Variants in CCNY observed in about 807,000 individuals in gnomAD.
CCNY encodes cyclin-Y.
In CCNY, 19 loss-of-function variants were observed where a neutral mutation model predicts 42.8. The ratio of observed to expected loss-of-function variants is 0.44; its 90% CI spans 0.31 to 0.65. CCNY has a LOEUF of 0.65. Among genes scored for constraint, CCNY ranks in the 30% least tolerant of loss-of-function variants. The pLI is 0.07. For missense variants in CCNY, 370 were observed against 437.3 expected, an observed-to-expected ratio of 0.85 and a Z score of 1.37; for synonymous variants, 165 against 162.7, an observed-to-expected ratio of 1.01 and a Z score of -0.11.
At chr10:35,460,492 G>C (rs114400156) in intron 1 of CCNY, among the ~76,000 whole-genome samples, 283 of 152,198 alleles carry the variant, frequency 1.9e-3, no homozygotes, top group African/African-American at 6.6e-3. Context: ...AAGTTTCAAG[G>C]TTTTGTGGAA....
At chr10:35,326,677 GGAGTTT>G (rs1479376363) in intron 3 of CCNY, among the ~76,000 whole-genome samples, 1 of 152,040 alleles carries the variant, frequency 6.6e-6, no homozygotes. Flanking sequence ...CTTGAGCCTA[GGAGTTT>G]GAGACCAGCC....
At chr10:35,437,088 A>G (rs1838552085) in intron 1 of CCNY, among the ~76,000 whole-genome samples, 1 of 152,236 alleles carries the variant, frequency 6.6e-6, no homozygotes, top group Non-Finnish European at 1.5e-5. Context: ...AGAACTCACT[A>G]TCATGAGAAC....
At chr10:35,339,703 T>G (rs939432042) in intron 1 of CCNY, among the ~76,000 whole-genome samples, 1 of 152,206 alleles carries the variant, frequency 6.6e-6, no homozygotes, top group African/African-American at 2.4e-5. Context: ...ATGACATATG[T>G]ATCCATGCTT....
At chr10:35,532,992 A>T (rs914720850) in intron 7 of CCNY, among the ~76,000 whole-genome samples, 3 of 152,184 alleles carry the variant, frequency 2.0e-5, no homozygotes, top group African/African-American at 2.4e-5. Flanking sequence ...CAGGCTGTAG[A>T]ATGAGGCCCA....
At chr10:35,412,979 C>T (rs1222705360) in intron 1 of CCNY, among the ~76,000 whole-genome samples, 4 of 151,324 alleles carry the variant, frequency 2.6e-5, no homozygotes, top group Admixed American at 6.6e-5. Flanking sequence ...TGGACTGCTT[C>T]CTGGGGGCCA....
intron 3 of CCNY, among the ~76,000 whole-genome samples, chr10:35,313,462 G>A (rs143611562): frequency 0.012 from 1,800 of 152,286 alleles, 21 homozygotes; most frequent in Middle Eastern, 0.024. Context: ...CCGAGTTTGC[G>A]TCTGTTTCAG....
At chr10:35,312,434 T>G (rs550880852) in intron 3 of CCNY, among the ~76,000 whole-genome samples, 22 of 146,596 alleles carry the variant, frequency 1.5e-4, no homozygotes, top group Admixed American at 4.7e-4. Context: ...TGTAAACCCC[T>G]GTCTGTGCAA....
chr10:35,345,649 T>A (rs1030138505), intron 1 of CCNY, among the ~76,000 whole-genome samples: 2 of 152,198 alleles, frequency 1.3e-5, no homozygotes, highest in Non-Finnish European at 2.9e-5. Context: ...CACCTAATTA[T>A]GTTTGGACTG....
At chr10:35,444,033 G>C (rs1838734150) in intron 1 of CCNY, among the ~76,000 whole-genome samples, 1 of 152,212 alleles carries the variant, frequency 6.6e-6, no homozygotes, top group Non-Finnish European at 1.5e-5. Flanking sequence ...CTGCTAGCGA[G>C]TAGCACCCTT....
chr10:35,463,091 A>C (rs1340411070), intron 1 of CCNY, among the ~76,000 whole-genome samples: 1 of 152,194 alleles, frequency 6.6e-6, no homozygotes, highest in East Asian at 1.9e-4. Context: ...GCTTCTAAGG[A>C]AGTGACTTCT....
chr10:35,414,605 G>C (rs1446821373), intron 1 of CCNY, among the ~76,000 whole-genome samples: 3 of 152,194 alleles, frequency 2.0e-5, no homozygotes, highest in Non-Finnish European at 2.9e-5. Flanking sequence ...CAGGAGGCGG[G>C]AATCATTGGG....
At chr10:35,431,927 A>G (rs576880008) in intron 1 of CCNY, among the ~76,000 whole-genome samples, 2 of 152,158 alleles carry the variant, frequency 1.3e-5, no homozygotes, top group Non-Finnish European at 2.9e-5. Context: ...TAAAGACATC[A>G]TGGATTTGTT....
chr10:35,377,403 C>T (rs1037150541), intron 1 of CCNY, among the ~76,000 whole-genome samples: 6 of 152,160 alleles, frequency 3.9e-5, no homozygotes, highest in Admixed American at 2.6e-4. Flanking sequence ...CATTGTGTTA[C>T]GATTGCCCAT....
chr10:35,513,356 C>A (rs997419248), intron 3 of CCNY, among the ~76,000 whole-genome samples: 1 of 152,204 alleles, frequency 6.6e-6, no homozygotes, highest in African/African-American at 2.4e-5. Flanking sequence ...AAGACACTTA[C>A]TGTATTTGGG....
intron 1 of CCNY, among the ~76,000 whole-genome samples, chr10:35,437,412 T>C (rs905451803): frequency 1.3e-5 from 2 of 152,124 alleles, no homozygotes; most frequent in African/African-American, 4.8e-5. Flanking sequence ...TCAGGCACTT[T>C]GGGAGGTGGA....
At chr10:35,480,557 A>G (rs1298026274) in intron 1 of CCNY, among the ~76,000 whole-genome samples, 2 of 152,204 alleles carry the variant, frequency 1.3e-5, no homozygotes, top group Non-Finnish European at 2.9e-5. Context: ...CTCTGAATTC[A>G]GGGAGAGCTT....
chr10:35,426,614 A>C (rs747331168), intron 1 of CCNY, among the ~76,000 whole-genome samples: 3 of 152,252 alleles, frequency 2.0e-5, no homozygotes, highest in Non-Finnish European at 4.4e-5. Flanking sequence ...AATGTTATTA[A>C]AATTGCTTTG....
chr10:35,476,203 C>T (rs1240272964), intron 1 of CCNY, among the ~76,000 whole-genome samples: 1 of 152,180 alleles, frequency 6.6e-6, no homozygotes, highest in East Asian at 1.9e-4. Context: ...TTAACACCCA[C>T]TGTCAACATT....
At chr10:35,270,927 G>A (rs1395674323) in intron 3 of CCNY, among the ~76,000 whole-genome samples, 3 of 151,540 alleles carry the variant, frequency 2.0e-5, no homozygotes, top group African/African-American at 4.9e-5. Context: ...GGGCTTCACC[G>A]TGTTAGCCGG....
Sources: gnomAD v4.1 joint callset for allele counts (sites outside exome capture counted in the v4.1 genomes callset) on GRCh38, gnomAD v4.1.1 for gene constraint, MANE v1.5 for transcripts, NCBI Gene and HGNC (gene_info 2026-07-23, HGNC 2026-07-21) for gene names.